Variants in RAB11FIP3 observed in about 807,000 individuals in gnomAD.
RAB11FIP3 encodes RAB11 family interacting protein 3.
A neutral mutation model predicts 77.8 loss-of-function variants in RAB11FIP3; 17 were observed. That is an observed-to-expected ratio of 0.22 (90% CI 0.15 to 0.33). RAB11FIP3 has a LOEUF of 0.33. Among genes scored for constraint, RAB11FIP3 ranks in the 10% least tolerant of loss-of-function variants. The pLI is 1.00. For missense variants in RAB11FIP3, 1,005 were observed against 1,011.2 expected, an observed-to-expected ratio of 0.99 and a Z score of 0.08; for synonymous variants, 437 against 448.2, an observed-to-expected ratio of 0.98 and a Z score of 0.31.
chr16:473,700 A>G (rs766177251), intron 3 of RAB11FIP3, among the ~76,000 whole-genome samples: 12 of 152,070 alleles, frequency 7.9e-5, no homozygotes, highest in Non-Finnish European at 1.3e-4. Context: ...TTGGCCTCCT[A>G]AAGTGCTGGT....
intron 11 of RAB11FIP3, 21 bp from the exon 12 acceptor site, chr16:520,101 C>G: frequency 1.3e-6 from 2 of 1,542,888 alleles, no homozygotes; most frequent in African/African-American, 1.4e-5. Flanking sequence ...CCCCCCGGCT[C>G]ACTGCACGGT....
At chr16:437,011 C>T (rs1006769366) in intron 1 of RAB11FIP3, among the ~76,000 whole-genome samples, 1 of 152,128 alleles carries the variant, frequency 6.6e-6, no homozygotes, top group African/African-American at 2.4e-5. Flanking sequence ...TGCAGTGGCT[C>T]ACACTTGTAA....
At chr16:445,870 A>G (rs1306283350) in intron 1 of RAB11FIP3, among the ~76,000 whole-genome samples, 2 of 151,992 alleles carry the variant, frequency 1.3e-5, no homozygotes, top group Non-Finnish European at 2.9e-5. Context: ...AGATGGGCAA[A>G]AGGACGTTAT....
intron 1 of RAB11FIP3, among the ~76,000 whole-genome samples, chr16:458,413 T>A (rs2055539772): frequency 6.6e-6 from 1 of 151,616 alleles, no homozygotes; most frequent in Non-Finnish European, 1.5e-5. Flanking sequence ...TTCCTCGGGT[T>A]CACCGATGCC....
At chr16:450,540 G>A (rs972799239) in intron 1 of RAB11FIP3, among the ~76,000 whole-genome samples, 1 of 152,150 alleles carries the variant, frequency 6.6e-6, no homozygotes, top group East Asian at 1.9e-4. Flanking sequence ...CAGGGGTCTA[G>A]GTCTGAGTCA....
At chr16:473,171 C>T (rs1306588779) in intron 3 of RAB11FIP3, among the ~76,000 whole-genome samples, 5 of 152,162 alleles carry the variant, frequency 3.3e-5, no homozygotes, top group Admixed American at 3.3e-4. Flanking sequence ...CTCGAGGCAC[C>T]AAAGGCACCA....
At chr16:433,676 G>C (rs911839293) in intron 1 of RAB11FIP3, among the ~76,000 whole-genome samples, 1 of 150,694 alleles carries the variant, frequency 6.6e-6, no homozygotes, top group Non-Finnish European at 1.5e-5. Context: ...GTGAAACCCT[G>C]TCTCTACTAA....
At chr16:448,273 C>T (rs1053945264) in intron 1 of RAB11FIP3, among the ~76,000 whole-genome samples, 5 of 147,616 alleles carry the variant, frequency 3.4e-5, no homozygotes, top group Non-Finnish European at 5.9e-5. Flanking sequence ...GTCGAGATTG[C>T]GCCATTGCAC....
intron 5 of RAB11FIP3, among the ~76,000 whole-genome samples, chr16:493,699 C>T (rs1185087143): frequency 3.3e-5 from 5 of 151,606 alleles, no homozygotes; most frequent in African/African-American, 9.7e-5. Flanking sequence ...CTCTGCCTCC[C>T]GGGTTCACTC....
At chr16:511,674 C>T (rs111964196) in intron 9 of RAB11FIP3, among the ~76,000 whole-genome samples, 72 of 57,380 alleles carry the variant, frequency 1.3e-3, no homozygotes, top group Middle Eastern at 0.019. Context: ...GCAGGCCAGG[C>T]AGGAGAGGTT....
chr16:508,408 G>A (rs1567404815), intron 8 of RAB11FIP3, among the ~76,000 whole-genome samples: 3 of 152,156 alleles, frequency 2.0e-5, no homozygotes, highest in East Asian at 1.9e-4. Flanking sequence ...GAGCCTTGCT[G>A]TGTCACCCAG....
intron 4 of RAB11FIP3, among the ~76,000 whole-genome samples, chr16:485,808 TAC>T (rs1216146173): frequency 6.6e-6 from 1 of 152,292 alleles, no homozygotes; most frequent in East Asian, 1.9e-4. Context: ...CTTTGCTTAC[TAC>T]ACAGTCACTA....
chr16:488,875 C>T lies in RAB11FIP3; in HGVS notation c.1140C>T (p.Val380=), dbSNP rs1388198828. 2.5e-6 allele frequency: 4 copies of T among 1,613,986 alleles called. No homozygotes were observed. The African/African-American group carries it at 5.3e-5, about 22-fold the overall frequency. Residue 380 remains valine, a synonymous_variant, in exon 5 of 14, where the codon GTC becomes GTT. Coordinates refer to ENST00000262305, the MANE Select transcript of RAB11FIP3 (RefSeq NM_014700.4). ...GGCCTCACCCCCATGGCCAGTCTGT[C>T]ATCACGGTGATCGGGGGCGAGGAGC... ...PGRPHPHGQS[V]ITVIGGEEHF... is the part of the protein sequence containing the mutation.
intron 6 of RAB11FIP3, among the ~76,000 whole-genome samples, chr16:498,503 C>A (rs1182497750): frequency 6.6e-6 from 1 of 152,004 alleles, no homozygotes; most frequent in Non-Finnish European, 1.5e-5. Flanking sequence ...CTTTTTGTTT[C>A]TCTTCTCTTT....
At chr16:457,447 C>T (rs968443502) in intron 1 of RAB11FIP3, among the ~76,000 whole-genome samples, 4 of 151,350 alleles carry the variant, frequency 2.6e-5, no homozygotes, top group Non-Finnish European at 5.9e-5. Flanking sequence ...TCTCTTGGCT[C>T]GGTTTTCTGC....
At chr16:428,617 C>G (rs1276714548) in intron 1 of RAB11FIP3, among the ~76,000 whole-genome samples, 1 of 152,026 alleles carries the variant, frequency 6.6e-6, no homozygotes, top group East Asian at 1.9e-4. Flanking sequence ...AACTGGAAAC[C>G]CAGAAAGGTC....
intron 2 of RAB11FIP3, among the ~76,000 whole-genome samples, chr16:464,536 C>T (rs917421909): frequency 1.3e-5 from 2 of 152,156 alleles, no homozygotes; most frequent in African/African-American, 4.8e-5. Context: ...TGAGTTTGTT[C>T]TCTAACTGAT....
intron 5 of RAB11FIP3, among the ~76,000 whole-genome samples, chr16:493,732 G>A (rs1032176025): frequency 2.3e-4 from 35 of 149,378 alleles, no homozygotes; most frequent in African/African-American, 5.4e-4. Flanking sequence ...TCAGCCTCCC[G>A]AGTAGCTGGG....
At chr16:493,882 C>T (rs1318630254) in intron 5 of RAB11FIP3, among the ~76,000 whole-genome samples, 1 of 144,632 alleles carries the variant, frequency 6.9e-6, no homozygotes, top group Non-Finnish European at 1.5e-5. Flanking sequence ...TGAGCCACTG[C>T]ACCCAGCCTG....
Sources: allele counts gnomAD v4.1 joint callset (sites outside exome capture counted in the v4.1 genomes callset), GRCh38; gene constraint gnomAD v4.1.1; transcripts MANE v1.5; gene names NCBI Gene and HGNC (gene_info 2026-07-23, HGNC 2026-07-21).